C1orf105: variants seen among roughly 807,000 people sequenced by gnomAD.
C1orf105 encodes the protein uncharacterized protein C1orf105.
C1orf105 carries 17 observed loss-of-function variants against 20.8 expected under a neutral mutation model. That is an observed-to-expected ratio of 0.82 (90% CI 0.56 to 1.23). C1orf105 has a LOEUF of 1.23. C1orf105 is among the 50% of genes most tolerant of loss of function. The pLI is 0.00. For synonymous variants in C1orf105, 72 were observed against 72.1 expected (o/e 1.00, Z 0.01); for missense variants, 219 against 213.5 (o/e 1.03, Z -0.16).
At chr1:172,453,096 C>A in intron 3 of C1orf105, 1 of 1,550,846 alleles carries the variant, frequency 6.4e-7, no homozygotes, top group South Asian at 1.2e-5. Flanking sequence ...GTCACAGCTG[C>A]CTTCCACGAC....
intron 4 of C1orf105, among the ~76,000 whole-genome samples, chr1:172,459,151 G>A (rs1649517010): frequency 6.6e-6 from 1 of 152,028 alleles, no homozygotes; most frequent in Non-Finnish European, 1.5e-5. Context: ...TTCTAAGATA[G>A]GACACCCAAA....
intron 1 of C1orf105, among the ~76,000 whole-genome samples, chr1:172,434,215 G>C (rs1466654086): frequency 2.0e-5 from 3 of 152,144 alleles, no homozygotes; most frequent in Non-Finnish European, 4.4e-5. Context: ...TGTTAACAAG[G>C]ATAACCAGGA....
At chr1:172,442,755 T>C in intron 1 of C1orf105, 1 of 790,088 alleles carries the variant, frequency 1.3e-6, no homozygotes, top group South Asian at 1.7e-5. Flanking sequence ...TACCAACCTT[T>C]CCTTGTTTTC....
chr1:172,431,405 CACA>C, intron 1 of C1orf105: 2 of 247,780 alleles, frequency 8.1e-6, no homozygotes, highest in South Asian at 3.5e-4. Context: ...AAGCATAAAC[CACA>C]ACAAGGCGCT....
In C1orf105 at chr1:172,420,874, A is replaced by C. The variant is rs760517649; in HGVS notation, c.-12A>C. The C allele has an allele frequency of 1.2e-6, 2 of 1,611,740 alleles. No homozygotes were observed. The highest frequency in any genetic ancestry group is 2.2e-5 in the East Asian group (1 of 44,824). On this transcript the variant is annotated 5_prime_UTR_variant, in exon 1 of 7. Transcript: ENST00000367727. ...CAGCTAGAAAAACTCAGAACATCTAAAGATCTGAAAGATGGAAAAAAGAGA... is the reference window on the plus strand; with the variant it reads ...CAGCTAGAAAAACTCAGAACATCTACAGATCTGAAAGATGGAAAAAAGAGA...
intron 1 of C1orf105, chr1:172,441,545 C>A: frequency 2.1e-6 from 1 of 471,808 alleles, no homozygotes; most frequent in South Asian, 6.4e-5. Flanking sequence ...TTTTCATCTA[C>A]AAAATAACAG....
At chr1:172,455,347 A>G (rs1456908131) in intron 3 of C1orf105, among the ~76,000 whole-genome samples, 1 of 152,044 alleles carries the variant, frequency 6.6e-6, no homozygotes, top group South Asian at 2.1e-4. Context: ...TGTTCCCCAC[A>G]CTTCCCAGGG....
At chr1:172,443,991 A>AG (rs1647657416) in intron 1 of C1orf105, 1 of 1,000,226 alleles carries the variant, frequency 1.0e-6, no homozygotes, top group African/African-American at 1.7e-5. Context: ...CACCTACCCG[A>AG]GAGTTCCTAG....
At chr1:172,453,501 A>G (rs1359306229) in intron 3 of C1orf105, among the ~76,000 whole-genome samples, 2 of 152,194 alleles carry the variant, frequency 1.3e-5, no homozygotes, top group East Asian at 3.8e-4. Context: ...ATCTTCATTT[A>G]TATATGTATT....
chr1:172,453,792 C>T (rs905655282), intron 3 of C1orf105, among the ~76,000 whole-genome samples: 2 of 152,112 alleles, frequency 1.3e-5, no homozygotes, highest in African/African-American at 4.8e-5. Flanking sequence ...AGGCAGGCAC[C>T]CAACTGAGGT....
chr1:172,460,250 A>C (rs778275700), intron 4 of C1orf105, among the ~76,000 whole-genome samples: 104 of 152,224 alleles, frequency 6.8e-4, no homozygotes, highest in Non-Finnish European at 1.1e-3. Flanking sequence ...CACAAAATAG[A>C]TGAATCTCAA....
Position 172,440,610 on chromosome 1 carries a change from C to T in C1orf105, c.22-4463C>T, listed in dbSNP as rs577378661. 7.2e-5 allele frequency among the ~76,000 whole-genome samples: 11 copies of T among 152,248 alleles called. No individual in the cohort carries two copies. The East Asian group carries it at 9.6e-4, about 13-fold the overall frequency. On this transcript the variant is annotated intron_variant, in intron 1 of 6. Transcript: ENST00000367727. The stretch of plus-strand genomic sequence containing the variant: ...GCCCAAATTCATAGCCCTCAAATTG[C>T]TACTCAACCTCCCATTCTGACTTTT...
chr1:172,450,678 C>T (rs1648530025), intron 3 of C1orf105, among the ~76,000 whole-genome samples: 1 of 152,166 alleles, frequency 6.6e-6, no homozygotes, highest in South Asian at 2.1e-4. Flanking sequence ...CGTCACAGGT[C>T]AAAGGGCAGA....
intron 3 of C1orf105, among the ~76,000 whole-genome samples, 185 bp downstream of exon 3, chr1:172,448,716 A>G (rs1006552434): frequency 5.3e-5 from 8 of 152,130 alleles, no homozygotes; most frequent in African/African-American, 1.9e-4. Flanking sequence ...TTAGGGTCCC[A>G]GTCCACTAGA....
intron 1 of C1orf105, among the ~76,000 whole-genome samples, chr1:172,433,095 C>A (rs2071923305): frequency 6.6e-6 from 1 of 152,146 alleles, no homozygotes; most frequent in Non-Finnish European, 1.5e-5. Context: ...CAAACAAAGC[C>A]TCCAAGAAAT....
chr1:172,460,661 G>GA (rs377148460), intron 4 of C1orf105, among the ~76,000 whole-genome samples: 4 of 149,498 alleles, frequency 2.7e-5, no homozygotes, highest in South Asian at 2.1e-4. Context: ...AAACTACAAA[G>GA]AAAAAAAAAG....
At chr1:172,452,201 C>T (rs577626606) in intron 3 of C1orf105, among the ~76,000 whole-genome samples, 108 of 152,210 alleles carry the variant, frequency 7.1e-4, no homozygotes, top group African/African-American at 2.6e-3. Context: ...TTACTCTTCC[C>T]CTGAGGAAAC....
intron 3 of C1orf105, among the ~76,000 whole-genome samples, chr1:172,450,084 ATAGT>A (rs563163318): frequency 6.6e-6 from 1 of 152,324 alleles, no homozygotes; most frequent in Non-Finnish European, 1.5e-5. Flanking sequence ...TGCAATATTC[ATAGT>A]TAGCCACTAG....
intron 1 of C1orf105, chr1:172,442,482 T>C (rs1290984773): frequency 1.2e-6 from 2 of 1,614,134 alleles, no homozygotes; most frequent in Admixed American, 1.7e-5. Context: ...CAGCCCAATA[T>C]TGGTATTTCC....
Sources: allele counts gnomAD v4.1 joint callset (sites outside exome capture counted in the v4.1 genomes callset), GRCh38; gene constraint gnomAD v4.1.1; transcripts MANE v1.5; gene names NCBI Gene and HGNC (gene_info 2026-07-23, HGNC 2026-07-21).